The following TRAPPC9 variants were observed in gnomAD, a reference collection of about 807,000 sequenced individuals.
TRAPPC9 encodes IKK2 binding protein.
A neutral mutation model predicts 124.0 loss-of-function variants in TRAPPC9; 83 were observed. That is an observed-to-expected ratio of 0.67 (90% CI 0.56 to 0.80). The LOEUF (loss-of-function observed/expected upper bound fraction) is 0.80, where lower values mean the gene tolerates loss of function less well. TRAPPC9 is among the 30% of genes least tolerant of loss of function. The pLI, the probability that TRAPPC9 is intolerant of heterozygous loss-of-function variation, is 0.00. For synonymous variants in TRAPPC9, 638 were observed against 617.5 expected (o/e 1.03, Z -0.49); for missense variants, 1,302 against 1,508.3 (o/e 0.86, Z 2.27).
At chr8:139,773,364 C>T (rs753402536) in intron 21 of TRAPPC9, among the ~76,000 whole-genome samples, 1 of 152,224 alleles carries the variant, frequency 6.6e-6, no homozygotes, top group Admixed American at 6.5e-5. Context: ...CCAGAGGCCC[C>T]GGCTACATTC....
rs866738212 is a variant in TRAPPC9 at position 139,963,775 on chromosome 8, A to C, written c.2810+24951T>G. Among the ~76,000 whole-genome samples, 72 of 113,108 alleles carry C rather than the reference A, an allele frequency of 6.4e-4. No individual in the cohort carries two copies. In the East Asian group the frequency reaches 8.8e-3, roughly 14 times the overall value. 74.2% of individuals were successfully genotyped at this position (113,108 alleles called of 152,430 possible). A position where few individuals can be genotyped will look rare whatever the true frequency, so the allele number is the denominator to read the frequency against. On this transcript the variant is annotated intron_variant, in intron 19 of 22. Coordinates refer to ENST00000438773, the MANE Select transcript of TRAPPC9 (RefSeq NM_001160372.4). ...AAAAAAAAAAAAAAAAAAAAAAAAA[A>C]AACAACTACAGACCAAGTCTCAAAC...
chr8:140,008,644 C>G (rs146434762), intron 18 of TRAPPC9: 3 of 152,350 alleles, frequency 2.0e-5, no homozygotes, highest in South Asian at 2.1e-4. Context: ...GCACAAGGGT[C>G]GAGAGTAAAC....
chr8:139,956,660 ACTGCTCAGCTCAGCAGAGC>A (rs535780154), intron 19 of TRAPPC9, among the ~76,000 whole-genome samples: 103 of 152,356 alleles, frequency 6.8e-4, no homozygotes, highest in African/African-American at 2.3e-3. Flanking sequence ...CTGGAACAGC[ACTGCTCAGCTCAGCAGAGC>A]CTGGCGCCTG....
chr8:140,021,046 T>C (rs1477905577), intron 18 of TRAPPC9, among the ~76,000 whole-genome samples: 1 of 152,262 alleles, frequency 6.6e-6, no homozygotes, highest in Non-Finnish European at 1.5e-5. Flanking sequence ...CTTACTTTCT[T>C]GTATAGTTTG....
intron 15 of TRAPPC9, among the ~76,000 whole-genome samples, chr8:140,255,518 G>A (rs892891756): frequency 6.6e-6 from 1 of 152,242 alleles, no homozygotes; most frequent in Admixed American, 6.5e-5. Flanking sequence ...TGATGGAATC[G>A]TTGAGCAGGC....
intron 7 of TRAPPC9, among the ~76,000 whole-genome samples, chr8:140,379,411 T>C (rs957332417): frequency 6.6e-6 from 1 of 152,160 alleles, no homozygotes; most frequent in African/African-American, 2.4e-5. Context: ...TGTGAAGGTG[T>C]GTGTGTGGAT....
At chr8:140,010,268 A>C (rs1839036273) in intron 18 of TRAPPC9, among the ~76,000 whole-genome samples, 1 of 152,240 alleles carries the variant, frequency 6.6e-6, no homozygotes, top group South Asian at 2.1e-4. Flanking sequence ...AGATGGATGA[A>C]TAATCTCAAT....
intron 17 of TRAPPC9, among the ~76,000 whole-genome samples, chr8:140,218,395 A>C (rs563833513): frequency 1.4e-4 from 21 of 152,276 alleles, no homozygotes; most frequent in African/African-American, 4.6e-4. Context: ...CAACCATTTA[A>C]AGATGTTCAA....
At chr8:140,424,492 T>G (rs1278070326) in intron 5 of TRAPPC9, among the ~76,000 whole-genome samples, 4 of 151,658 alleles carry the variant, frequency 2.6e-5, no homozygotes, top group Non-Finnish European at 4.4e-5. Context: ...AAAAATTAGC[T>G]GGGCATGGTG....
intron 19 of TRAPPC9, among the ~76,000 whole-genome samples, chr8:139,987,230 C>A (rs1296492538): frequency 6.6e-6 from 1 of 152,200 alleles, no homozygotes; most frequent in Non-Finnish European, 1.5e-5. Context: ...CTTCTTGTGA[C>A]CATATGTTTC....
chr8:140,220,881 G>A (rs1452445907), intron 17 of TRAPPC9, among the ~76,000 whole-genome samples: 1 of 152,110 alleles, frequency 6.6e-6, no homozygotes, highest in Non-Finnish European at 1.5e-5. Flanking sequence ...TGCTCTACAC[G>A]CTGTCCCTGG....
At chr8:140,131,149 G>A (rs2061202180) in intron 17 of TRAPPC9, among the ~76,000 whole-genome samples, 2 of 152,070 alleles carry the variant, frequency 1.3e-5, no homozygotes, top group East Asian at 3.9e-4. Context: ...AATTTAGATT[G>A]TTTCCAATTT....
At position 139,907,812 on chromosome 8, in the gene TRAPPC9, G is replaced by C. The variant is rs1230900139; in HGVS notation, c.2964+2335C>G. ...TTTTTGATACTGGTTTTCAAAGAAC[G>C]CAAGAGTTCTGTGGGCCACTATCAT... On this transcript the variant is annotated intron_variant, in intron 20 of 22. Coordinates refer to ENST00000438773, the MANE Select transcript of TRAPPC9 (RefSeq NM_001160372.4). The surrounding 1 kb of genome is among the most constrained non-coding windows in gnomAD (Gnocchi z 4.7). Among the ~76,000 whole-genome samples, 1 of 152,192 alleles carries C rather than the reference G, an allele frequency of 6.6e-6. No homozygotes were observed. Among genetic ancestry groups the C allele is most frequent in the Non-Finnish European group, 1.5e-5 (1 of 68,040 alleles).
At chr8:140,402,361 G>A (rs111534519) in intron 6 of TRAPPC9, among the ~76,000 whole-genome samples, 1,700 of 151,334 alleles carry the variant, frequency 0.011, 29 homozygotes, top group African/African-American at 0.038. Context: ...TCATGCTACT[G>A]CACTCCAGAC....
intron 18 of TRAPPC9, among the ~76,000 whole-genome samples, chr8:139,989,869 A>G (rs1837513695): frequency 6.6e-6 from 1 of 152,208 alleles, no homozygotes; most frequent in African/African-American, 2.4e-5. Flanking sequence ...CTCATACGGT[A>G]TCTCAGACAC....
At chr8:140,447,188 T>C (rs377765186) in intron 2 of TRAPPC9, among the ~76,000 whole-genome samples, 6 of 152,148 alleles carry the variant, frequency 3.9e-5, no homozygotes, top group African/African-American at 1.2e-4. Context: ...AAGGCTGGTG[T>C]GTCACTAAAT....
At chr8:140,082,368 G>A (rs73359160) in intron 17 of TRAPPC9, among the ~76,000 whole-genome samples, 1,916 of 151,568 alleles carry the variant, frequency 0.013, 28 homozygotes, top group African/African-American at 0.044. Context: ...TTTTTTCCTC[G>A]ACACAAATAT....
At chr8:140,181,063 T>C (rs1435059328) in intron 17 of TRAPPC9, among the ~76,000 whole-genome samples, 11 of 152,200 alleles carry the variant, frequency 7.2e-5, no homozygotes, top group Non-Finnish European at 4.4e-5. Context: ...TATTCCTGGA[T>C]CTCCAACTAG....
chr8:140,060,404 C>A (rs1842532366), intron 17 of TRAPPC9, among the ~76,000 whole-genome samples: 1 of 152,244 alleles, frequency 6.6e-6, no homozygotes. Flanking sequence ...TGGTGACCCC[C>A]AGAAGACTCT....
Sources: allele counts gnomAD v4.1 joint callset (sites outside exome capture counted in the v4.1 genomes callset), GRCh38; gene constraint gnomAD v4.1.1; non-coding constraint Gnocchi (gnomAD v3.1); transcripts MANE v1.5; gene names NCBI Gene and HGNC (gene_info 2026-07-23, HGNC 2026-07-21).